The following LAMTOR3 variants were observed in gnomAD, a reference collection of about 807,000 sequenced individuals.
The protein encoded by LAMTOR3 is late endosomal/lysosomal adaptor, MAPK and MTOR activator 3.
LAMTOR3 carries 14 observed loss-of-function variants against 20.3 expected under a neutral mutation model. The ratio of observed to expected loss-of-function variants is 0.69; its 90% CI spans 0.46 to 1.08. The LOEUF (loss-of-function observed/expected upper bound fraction) is 1.08, where lower values mean the gene tolerates loss of function less well. Ranked by LOEUF, LAMTOR3 falls within the 50% of genes least tolerant of loss-of-function variation. LAMTOR3 has a pLI of 0.00. For synonymous variants in LAMTOR3, 40 were observed against 49.4 expected, an observed-to-expected ratio of 0.81 and a Z score of 0.80; for missense variants, 125 against 143.7, an observed-to-expected ratio of 0.87 and a Z score of 0.67.
chr4:99,890,355 C>T (rs1035385043), intron 3 of LAMTOR3, among the ~76,000 whole-genome samples: 1 of 152,132 alleles, frequency 6.6e-6, no homozygotes, highest in Non-Finnish European at 1.5e-5. Context: ...ATTCAAAAAA[C>T]GCACAAAAAC....
At chr4:99,889,756 C>T (rs974199443) in intron 3 of LAMTOR3, among the ~76,000 whole-genome samples, 19 of 151,964 alleles carry the variant, frequency 1.3e-4, no homozygotes, top group African/African-American at 4.4e-4. Context: ...ACTACTTACC[C>T]CCAAAATAAA....
chr4:99,879,545 C>T lies in LAMTOR3; in HGVS notation c.*2449G>A, dbSNP rs957704042. On this transcript the variant is annotated 3_prime_UTR_variant, in exon 7 of 7. Transcript: ENST00000499666. Reference sequence around the variant, plus strand: ...ATTGCACTGGCAAAAATTTCCTGAACGATATTAAATAATCCAGATAATGGG... The same window carrying T: ...ATTGCACTGGCAAAAATTTCCTGAATGATATTAAATAATCCAGATAATGGG... The T allele has an allele frequency of 7.9e-5, 12 of 151,862 alleles. No individual in the cohort carries two copies. Among genetic ancestry groups the T allele is most frequent in the African/African-American group, 2.7e-4 (11 of 41,310 alleles). The allele number at this position is 151,862 out of a possible 1,614,324, so 9.4% of individuals were successfully genotyped here. A position where few individuals can be genotyped will look rare whatever the true frequency, so the allele number is the denominator to read the frequency against.
rs1724799174 is a variant in LAMTOR3 at position 99,880,247 on chromosome 4, C to T, written c.*1747G>A. On this transcript the variant is annotated 3_prime_UTR_variant, in exon 7 of 7. Transcript: ENST00000499666. ...CTAAGTTCTTTAAAGTAAGGTATCA[C>T]AAATTAATCTCATATTTACACTGAA... 6.6e-6 allele frequency: 1 copy of T among 152,036 alleles called. No homozygotes were observed. The highest frequency in any genetic ancestry group is 2.1e-4 in the South Asian group (1 of 4,828). The allele number at this position is 152,036 out of a possible 1,614,324, so 9.4% of individuals were successfully genotyped here. A position where few individuals can be genotyped will look rare whatever the true frequency, so the allele number is the denominator to read the frequency against.
intron 4 of LAMTOR3, among the ~76,000 whole-genome samples, chr4:99,886,738 T>C (rs1012865523): frequency 7.2e-5 from 11 of 152,174 alleles, no homozygotes; most frequent in Non-Finnish European, 1.5e-4. Flanking sequence ...TAATCTTTGA[T>C]AAAGCCACTA....
intron 3 of LAMTOR3, among the ~76,000 whole-genome samples, chr4:99,891,068 TA>T (rs1725013082): frequency 6.6e-6 from 1 of 152,204 alleles, no homozygotes; most frequent in African/African-American, 2.4e-5. Flanking sequence ...CTGGTCGGTT[TA>T]TAACTTAAGA....
At chr4:99,887,663 G>C (rs1182693214) in intron 3 of LAMTOR3, among the ~76,000 whole-genome samples, 1 of 152,162 alleles carries the variant, frequency 6.6e-6, no homozygotes, top group African/African-American at 2.4e-5. Flanking sequence ...ATTATCAGCA[G>C]GGGCTATAGT....
intron 4 of LAMTOR3, among the ~76,000 whole-genome samples, chr4:99,886,064 T>C (rs10016741): frequency 1.3e-5 from 2 of 152,258 alleles, no homozygotes; most frequent in African/African-American, 4.8e-5. Flanking sequence ...CAGCAGTATC[T>C]CTCATAGATA....
chr4:99,882,325 C>T (rs1724842776), intron 6 of LAMTOR3, among the ~76,000 whole-genome samples: 1 of 152,068 alleles, frequency 6.6e-6, no homozygotes, highest in Admixed American at 6.6e-5. Flanking sequence ...ATATGAAATG[C>T]TCCAGTGAGC....
rs1056007692 is a variant in LAMTOR3 at position 99,886,939 on chromosome 4, C to CAT, written c.103+355_103+356dup. Among the ~76,000 whole-genome samples the CAT allele has an allele frequency of 5.1e-3, 634 of 125,524 alleles. 6 individuals carry two copies. Among genetic ancestry groups the CAT allele is most frequent in the African/African-American group, 0.016 (589 of 36,370 alleles). 82.3% of individuals were successfully genotyped at this position (125,524 alleles called of 152,430 possible). A position where few individuals can be genotyped will look rare whatever the true frequency, so the allele number is the denominator to read the frequency against. ...TGGTATGTATATATATACACACACA[C>CAT]ATATATATATAGTAGGGGTGTCTGT... On this transcript the variant is annotated intron_variant, in intron 4 of 6. Transcript: ENST00000499666.
chr4:99,890,183 T>G (rs766808519), intron 3 of LAMTOR3, among the ~76,000 whole-genome samples: 1 of 152,198 alleles, frequency 6.6e-6, no homozygotes, highest in Non-Finnish European at 1.5e-5. Flanking sequence ...TAAAAACAAA[T>G]GTTGCATTAC....
intron 2 of LAMTOR3, among the ~76,000 whole-genome samples, chr4:99,893,316 G>A (rs566724950): frequency 1.3e-5 from 2 of 152,248 alleles, no homozygotes; most frequent in Admixed American, 1.3e-4. Context: ...TTGGCCAGAA[G>A]ACTATCTTAT....
chr4:99,883,107 G>C (rs1704455439), intron 6 of LAMTOR3, among the ~76,000 whole-genome samples: 1 of 151,938 alleles, frequency 6.6e-6, no homozygotes, highest in South Asian at 2.1e-4. Flanking sequence ...CTCAGATTTA[G>C]TATATTTCCT....
intron 4 of LAMTOR3, among the ~76,000 whole-genome samples, chr4:99,886,633 C>T (rs539087598): frequency 1.3e-5 from 2 of 152,176 alleles, no homozygotes; most frequent in Admixed American, 6.5e-5. Context: ...GACTTCTAAA[C>T]CTCCTTTCAT....
At chr4:99,889,386 T>C (rs1478892532) in intron 3 of LAMTOR3, among the ~76,000 whole-genome samples, 1 of 152,130 alleles carries the variant, frequency 6.6e-6, no homozygotes, top group Non-Finnish European at 1.5e-5. Context: ...ACAAGGTAAG[T>C]TATGATATAC....
At chr4:99,894,250 G>A (rs1420159181) in intron 1 of LAMTOR3, 85 bp downstream of exon 1, 1 of 367,644 alleles carries the variant, frequency 2.7e-6, no homozygotes, top group African/African-American at 2.1e-5. Flanking sequence ...GAAAAGAAGA[G>A]AGGGTCCTCT....
In LAMTOR3 at chr4:99,880,172, A is replaced by G. The variant is rs1223671925; in HGVS notation, c.*1822T>C. The stretch of plus-strand genomic sequence containing the variant: ...CTAGTCTGTGGTTCTATACCATCCT[A>G]TGTATAGCTTTATCATAGCACTTTC... On this transcript the variant is annotated 3_prime_UTR_variant, in exon 7 of 7. Coordinates refer to ENST00000499666, the MANE Select transcript of LAMTOR3 (RefSeq NM_021970.4). 6.6e-6 allele frequency: 1 copy of G among 152,080 alleles called. No homozygotes were observed. The highest frequency in any genetic ancestry group is 2.4e-5 in the African/African-American group (1 of 41,356). 9.4% of individuals were successfully genotyped at this position (152,080 alleles called of 1,614,324 possible). A position where few individuals can be genotyped will look rare whatever the true frequency, so the allele number is the denominator to read the frequency against.
intron 3 of LAMTOR3, among the ~76,000 whole-genome samples, chr4:99,888,231 G>A (rs577152369): frequency 1.3e-5 from 2 of 152,262 alleles, no homozygotes; most frequent in African/African-American, 4.8e-5. Flanking sequence ...TTGAAAATGG[G>A]AATAACTGTA....
intron 1 of LAMTOR3, 54 bp from the exon 2 acceptor site, chr4:99,894,054 A>G: frequency 8.6e-7 from 1 of 1,160,132 alleles, no homozygotes; most frequent in South Asian, 1.7e-5. Flanking sequence ...CGTCCTCCCC[A>G]CCCACAACTT....
upstream of LAMTOR3, chr4:99,894,544 T>TC (rs1185964944): frequency 1.1e-5 from 1 of 91,752 alleles, no homozygotes; most frequent in Non-Finnish European, 2.3e-5. Context: ...GCCCCTCCCC[T>TC]CCCCCCCGCC....
Sources: gnomAD v4.1 joint callset for allele counts (sites outside exome capture counted in the v4.1 genomes callset) on GRCh38, gnomAD v4.1.1 for gene constraint, MANE v1.5 for transcripts, NCBI Gene and HGNC (gene_info 2026-07-23, HGNC 2026-07-21) for gene names.